PLCE1: variants seen among roughly 807,000 people sequenced by gnomAD.
The protein encoded by PLCE1 is 1-phosphatidylinositol 4,5-bisphosphate phosphodiesterase epsilon-1.
PLCE1 carries 119 observed loss-of-function variants against 242.8 expected under a neutral mutation model. The observed-to-expected ratio is 0.49, with a 90% CI of 0.42 to 0.57. The LOEUF (loss-of-function observed/expected upper bound fraction) is 0.57, where lower values mean the gene tolerates loss of function less well. Ranked by LOEUF, PLCE1 falls within the 20% of genes least tolerant of loss-of-function variation. The pLI, the probability that PLCE1 is intolerant of heterozygous loss-of-function variation, is 0.00. For synonymous variants in PLCE1, 945 were observed against 1,017.4 expected, an observed-to-expected ratio of 0.93 and a Z score of 1.35; for missense variants, 2,441 against 2,788.8, an observed-to-expected ratio of 0.88 and a Z score of 2.81.
chr10:94,296,084 C>A (rs541256592), intron 23 of PLCE1, among the ~76,000 whole-genome samples: 2 of 152,024 alleles, frequency 1.3e-5, no homozygotes, highest in Non-Finnish European at 2.9e-5. Flanking sequence ...GTTGTTTGGC[C>A]GGGTGTGGTG....
intron 22 of PLCE1, among the ~76,000 whole-genome samples, chr10:94,289,968 C>A (rs1367341968): frequency 6.6e-6 from 1 of 151,986 alleles, no homozygotes; most frequent in Non-Finnish European, 1.5e-5. Flanking sequence ...TGTAATAACA[C>A]TTAGCTTAAA....
intron 23 of PLCE1, among the ~76,000 whole-genome samples, chr10:94,294,149 T>C (rs2052730872): frequency 6.6e-6 from 1 of 152,138 alleles, no homozygotes. Context: ...AACATTTCAC[T>C]GAAGATGTTT....
Position 94,269,020 on chromosome 10 carries a change from C to G in PLCE1, c.4373C>G (p.Thr1458Ser). 1 of 1,583,260 alleles carries G rather than the reference C, an allele frequency of 6.3e-7. No homozygotes were observed. The highest frequency in any genetic ancestry group is 1.1e-5 in the South Asian group (1 of 90,460). ...ATTTATCATGGACATACGCTGACAA[C>G]CAAGATCCCCTTCAAGGTAATCCTT... ...PIIYHGHTLT[T>S]KIPFKEVVEA... Residue 1458 changes from threonine to serine, a missense_variant, in exon 17 of 33, where the codon ACC (threonine) becomes AGC (serine). By Grantham distance (58) the Thr-to-Ser change is moderately conservative. This residue lies in a region of PLCE1 where 1,004 missense variants were observed against 1,322.7 expected (regional missense o/e 0.76). Transcript: ENST00000371380.
chr10:94,226,468 TA>T (rs2049943503), intron 4 of PLCE1, among the ~76,000 whole-genome samples: 1 of 152,138 alleles, frequency 6.6e-6, no homozygotes, highest in South Asian at 2.1e-4. Flanking sequence ...GTAATATAGG[TA>T]AAGTGCTTAG....
rs2053210851 is a variant in PLCE1, at chr10:94,306,486, C to T, written c.5682C>T (p.Val1894=). Residue 1894 remains valine, a synonymous_variant, in exon 26 of 33, where the codon GTC becomes GTT. Coordinates refer to ENST00000371380, the MANE Select transcript of PLCE1 (RefSeq NM_016341.4). This position sits in a 1 kb window ranked among gnomAD's most constrained non-coding sequence, Gnocchi z 5.7. ...GCATGGGAAGCCCGTGCATTGAAGTCGACGTCCTGGGCATGCCTCTGGACA... is the reference window on the plus strand; with the variant it reads ...GCATGGGAAGCCCGTGCATTGAAGTTGACGTCCTGGGCATGCCTCTGGACA... ...SNSMGSPCIE[V]DVLGMPLDSC... The T allele has an allele frequency of 1.1e-5, 17 of 1,614,126 alleles. No homozygotes were observed. Among genetic ancestry groups the T allele is most frequent in the South Asian group, 5.5e-5 (5 of 91,076 alleles).
At chr10:94,320,634 T>C (rs561342053) in intron 29 of PLCE1, among the ~76,000 whole-genome samples, 7 of 152,186 alleles carry the variant, frequency 4.6e-5, no homozygotes, top group Non-Finnish European at 1.0e-4. Context: ...ATAAGGGAGT[T>C]TTCCTGCCAA....
Position 94,107,536 on chromosome 10 carries a change from T to C in PLCE1, c.1207-24638T>C, listed in dbSNP as rs181765105. ...GAGTGAGTTTAGGACAAGAGAAAGG[T>C]AGTAAGTAGTACTTCCAAATGGGGC... On this transcript the variant is annotated intron_variant, in intron 2 of 32. Transcript: ENST00000371380. The C allele has an allele frequency of 2.0e-5, 3 of 152,282 alleles. No homozygotes were observed. In the East Asian group the frequency reaches 5.8e-4, roughly 29 times the overall value. The allele number at this position is 152,282 out of a possible 1,614,324, so 9.4% of individuals were successfully genotyped here. A position where few individuals can be genotyped will look rare whatever the true frequency, so the allele number is the denominator to read the frequency against.
intron 3 of PLCE1, among the ~76,000 whole-genome samples, chr10:94,160,865 TC>T (rs1408050592): frequency 6.6e-6 from 1 of 152,212 alleles, no homozygotes; most frequent in Non-Finnish European, 1.5e-5. Context: ...AAATAGGGAA[TC>T]CTTTCCCCAT....
intron 22 of PLCE1, 145 bp from the exon 23 acceptor site, chr10:94,293,363 A>G: frequency 4.7e-6 from 4 of 849,062 alleles, no homozygotes; most frequent in Non-Finnish European, 7.5e-6. Context: ...TGCTATTATT[A>G]ACAGAACAAA....
intron 7 of PLCE1, among the ~76,000 whole-genome samples, chr10:94,241,191 G>A (rs112036134): frequency 7.2e-5 from 11 of 152,198 alleles, no homozygotes; most frequent in African/African-American, 2.6e-4. Context: ...GAAAGACAGC[G>A]TCCCCTCTCT....
intron 2 of PLCE1, among the ~76,000 whole-genome samples, chr10:94,039,012 ACTTCGCATAAT>A (rs1179395223): frequency 6.6e-6 from 1 of 152,106 alleles, no homozygotes; most frequent in Non-Finnish European, 1.5e-5. Flanking sequence ...GGCTTCTTTC[ACTTCGCATAAT>A]CTTTTCAAGG....
At chr10:94,293,217 T>C (rs2052699005) in intron 22 of PLCE1, among the ~76,000 whole-genome samples, 2 of 152,392 alleles carry the variant, frequency 1.3e-5, no homozygotes, top group South Asian at 2.1e-4. Flanking sequence ...CTTCTTTTCA[T>C]GCAGTTTTTC....
intron 2 of PLCE1, among the ~76,000 whole-genome samples, chr10:94,120,241 A>G (rs1386128005): frequency 2.0e-5 from 3 of 152,074 alleles, no homozygotes; most frequent in Non-Finnish European, 4.4e-5. Flanking sequence ...ATCTCTATTC[A>G]CCCACCACTA....
intron 4 of PLCE1, among the ~76,000 whole-genome samples, chr10:94,195,566 A>G (rs1043889708): frequency 6.6e-6 from 1 of 152,096 alleles, no homozygotes; most frequent in African/African-American, 2.4e-5. Flanking sequence ...TCACTTGGTG[A>G]TTTCCTTTCT....
In PLCE1 at chr10:94,234,160, A is replaced by C; in HGVS notation, c.2062A>C (p.Arg688=). 6.2e-7 allele frequency: 1 copy of C among 1,614,174 alleles called. No individual in the cohort carries two copies. The highest frequency in any genetic ancestry group is 1.1e-5 in the South Asian group (1 of 91,080). The change falls in exon 6 of 33, where the codon AGA becomes CGA. Residue 688 remains arginine, a synonymous_variant. Transcript: ENST00000371380. ...MAQHESSCEY[R]KVVTRALHIP... Reference sequence around the variant, plus strand: ...CCAGCATGAGTCCTCTTGTGAGTACAGAAAGGTGGTGACACGTGCCCTGCA... The same window carrying C: ...CCAGCATGAGTCCTCTTGTGAGTACCGAAAGGTGGTGACACGTGCCCTGCA...
chr10:94,182,352 C>T (rs941429461), intron 4 of PLCE1, among the ~76,000 whole-genome samples: 3 of 151,886 alleles, frequency 2.0e-5, no homozygotes, highest in Non-Finnish European at 2.9e-5. Context: ...CTACAACCTC[C>T]GCCTCCCAGG....
intron 2 of PLCE1, among the ~76,000 whole-genome samples, chr10:94,066,916 C>T (rs375144838): frequency 8.5e-5 from 13 of 152,190 alleles, no homozygotes; most frequent in African/African-American, 2.2e-4. Context: ...TCCAGCTATT[C>T]GCACGTTTGC....
chr10:94,211,640 A>G (rs1453049569), intron 4 of PLCE1, among the ~76,000 whole-genome samples: 2 of 152,204 alleles, frequency 1.3e-5, no homozygotes, highest in Non-Finnish European at 2.9e-5. Flanking sequence ...GTTGGCCTTC[A>G]TCTCCTCACT....
chr10:94,245,857 G>A, intron 7 of PLCE1, 89 bp from the exon 8 acceptor site: 1 of 1,015,378 alleles, frequency 9.8e-7, no homozygotes, highest in Non-Finnish European at 1.6e-6. Context: ...ATAGTGCGAT[G>A]AAAAATAAAG....
Sources: gnomAD v4.1 joint callset for allele counts (sites outside exome capture counted in the v4.1 genomes callset) on GRCh38, gnomAD v4.1.1 for gene constraint, gnomAD v4.1.1 regional missense constraint, Gnocchi (gnomAD v3.1) non-coding constraint, MANE v1.5 for transcripts, NCBI Gene and HGNC (gene_info 2026-07-23, HGNC 2026-07-21) for gene names.